TENM1: variants seen among roughly 807,000 people sequenced by gnomAD.
TENM1 encodes the protein teneurin transmembrane protein 1, also known as teneurin-1.
Under a neutral mutation model 174.8 loss-of-function variants are expected in TENM1, and 35 were observed. The observed-to-expected ratio is 0.20, with a 90% CI of 0.15 to 0.27. The LOEUF (loss-of-function observed/expected upper bound fraction) is 0.27, where lower values mean the gene tolerates loss of function less well. Among genes scored for constraint, TENM1 ranks in the 10% least tolerant of loss-of-function variants. The probability of loss-of-function intolerance (pLI) is 1.00; values close to 1 mark genes in which losing one functional copy is unlikely to be tolerated. For missense variants in TENM1, 1,633 were observed against 2,130.1 expected, an observed-to-expected ratio of 0.77 and a Z score of 4.59; for synonymous variants, 781 against 798.7, an observed-to-expected ratio of 0.98 and a Z score of 0.37.
chrX:124,586,168 T>A (rs1602722366), intron 11 of TENM1, among the ~76,000 whole-genome samples: 1 of 110,246 alleles, frequency 9.1e-6, no homozygotes, highest in Non-Finnish European at 1.9e-5. Context: ...AAAGAGGGAA[T>A]CCTCCCTAAC....
chrX:124,417,968 A>G (rs2060612598), intron 25 of TENM1, among the ~76,000 whole-genome samples: 1 of 111,372 alleles, frequency 9.0e-6, no homozygotes, highest in Non-Finnish European at 1.9e-5. Context: ...TACTGGCCCA[A>G]CTCCCTGGTC....
At chrX:125,195,150 T>C in the TENM1 span, among the ~76,000 whole-genome samples, 1 of 111,926 alleles carries the variant, frequency 8.9e-6, no homozygotes, top group Non-Finnish European at 1.9e-5. Flanking sequence ...ACCAAAAGTA[T>C]GTAAACTGAA....
chrX:124,382,626 T>C (rs767814096), intron 31 of TENM1, 44 bp downstream of exon 34: 1 of 1,175,186 alleles, frequency 8.5e-7, no homozygotes, highest in Non-Finnish European at 1.1e-6. Flanking sequence ...TTGAATGCCC[T>C]TCTGTTGTTT....
intron 23 of TENM1, among the ~76,000 whole-genome samples, chrX:124,427,164 G>A (rs143424453): frequency 1.2e-3 from 132 of 112,189 alleles, no homozygotes; most frequent in Non-Finnish European, 2.1e-3. Flanking sequence ...CAGAAATGAC[G>A]TTCTAATTAT....
At chrX:125,164,281 A>G in the TENM1 span, among the ~76,000 whole-genome samples, 1 of 111,392 alleles carries the variant, frequency 9.0e-6, no homozygotes, top group African/African-American at 3.3e-5. Flanking sequence ...TCCTCCAGCC[A>G]CTTTCAATCC....
chrX:125,058,185 A>C, the TENM1 span, among the ~76,000 whole-genome samples: 3 of 111,832 alleles, frequency 2.7e-5, no homozygotes, highest in African/African-American at 9.7e-5. Flanking sequence ...TAGAAGTATA[A>C]ACAAAGCACA....
At chrX:124,817,775 CAAGAT>C (rs1004049743) in intron 3 of TENM1, among the ~76,000 whole-genome samples, 1 of 111,715 alleles carries the variant, frequency 9.0e-6, no homozygotes, top group African/African-American at 3.3e-5. Flanking sequence ...CAGAGGAAAA[CAAGAT>C]AATATTAAAG....
chrX:124,653,816 T>C (rs376816828), intron 6 of TENM1, 33 bp from the exon 10 acceptor site: 14 of 1,079,741 alleles, frequency 1.3e-5, no homozygotes, highest in East Asian at 9.1e-5. Flanking sequence ...TTACACACCA[T>C]GTTAATCTTA....
chrX:125,150,359 G>C, the TENM1 span, among the ~76,000 whole-genome samples: 2 of 112,101 alleles, frequency 1.8e-5, no homozygotes, highest in South Asian at 7.4e-4. Context: ...AAACCTAGTA[G>C]TTTATATTAT....
At chrX:124,520,895 A>G (rs375393976) in intron 17 of TENM1, 111 bp from the exon 21 acceptor site, 1 of 728,168 alleles carries the variant, frequency 1.4e-6, no homozygotes, top group African/African-American at 2.2e-5. Flanking sequence ...GAGAGAGCTT[A>G]AACAGGTCTA....
the TENM1 span, among the ~76,000 whole-genome samples, chrX:125,029,321 C>G: frequency 1.8e-5 from 2 of 111,988 alleles, no homozygotes; most frequent in Non-Finnish European, 3.8e-5. Flanking sequence ...CAAGAGCTGC[C>G]AAATTTCCCT....
intron 3 of TENM1, among the ~76,000 whole-genome samples, chrX:124,788,088 G>A (rs752258755): frequency 7.2e-4 from 80 of 111,358 alleles, no homozygotes; most frequent in Middle Eastern, 4.7e-3. Flanking sequence ...CATGACAGCA[G>A]CCCAGAAAAG....
chrX:124,466,068 T>A (rs1213156315), intron 22 of TENM1, among the ~76,000 whole-genome samples: 2 of 111,508 alleles, frequency 1.8e-5, no homozygotes, highest in Non-Finnish European at 3.8e-5. Context: ...GTTGTTGACA[T>A]CAGTAAAATA....
intron 1 of TENM1, among the ~76,000 whole-genome samples, chrX:124,904,755 C>T (rs1489177464): frequency 8.9e-6 from 1 of 111,971 alleles, no homozygotes; most frequent in African/African-American, 3.2e-5. Context: ...GAAATAATTG[C>T]CTGTTAAAAT....
In TENM1 at chrX:124,384,596, T is replaced by C. The variant is rs1368085472; in HGVS notation, c.6335A>G (p.Asn2112Ser). The change falls in exon 30 of 32, where the codon AAT becomes AGT. Residue 2112 changes from asparagine to serine, a missense_variant. By Grantham distance (46) the Asn-to-Ser change is conservative. This residue lies in a region of TENM1 where 807 missense variants were observed against 1,125.3 expected (regional missense o/e 0.72). Coordinates refer to ENST00000422452, the Ensembl canonical transcript of TENM1. ...ATATTGGACTTCAATGACTTGTCCA[T>C]TGGCACTGAAGATTTTGGTGTGTTT... 8.3e-6 allele frequency: 10 copies of C among 1,209,784 alleles called. No individual in the cohort carries two copies. In the Admixed American group the frequency reaches 8.7e-5, roughly 11 times the overall value.
chrX:124,704,737 T>C (rs2052855179), intron 5 of TENM1, among the ~76,000 whole-genome samples: 4 of 110,959 alleles, frequency 3.6e-5, no homozygotes, highest in Non-Finnish European at 3.8e-5. Context: ...ATAACAACCT[T>C]TTAATTGAAG....
At chrX:125,200,654 T>A in the TENM1 span, among the ~76,000 whole-genome samples, 36,039 of 92,133 alleles carry the variant, frequency 0.39, 6,451 homozygotes, top group Admixed American at 0.47. Flanking sequence ...TGTGTGTGTG[T>A]GAGAGAGAGA....
chrX:125,185,204 T>G, the TENM1 span, among the ~76,000 whole-genome samples: 1 of 112,366 alleles, frequency 8.9e-6, no homozygotes, highest in African/African-American at 3.2e-5. Context: ...GGCAAATATT[T>G]ATGCCAGTAA....
chrX:124,528,663 A>T (rs2048035029), intron 16 of TENM1, among the ~76,000 whole-genome samples: 1 of 107,766 alleles, frequency 9.3e-6, no homozygotes, highest in African/African-American at 3.4e-5. Context: ...ATGAAGTTTT[A>T]TATATATATA....
Sources: gnomAD v4.1 joint callset for allele counts (sites outside exome capture counted in the v4.1 genomes callset) on GRCh38, gnomAD v4.1.1 for gene constraint, gnomAD v4.1.1 regional missense constraint, MANE v1.5 for transcripts, NCBI Gene and HGNC (gene_info 2026-07-23, HGNC 2026-07-21) for gene names.